HS3ST6: variants seen among roughly 807,000 people sequenced by gnomAD.
HS3ST6 encodes the protein heparan sulfate-glucosamine 3-sulfotransferase 6.
HS3ST6 carries 13 observed loss-of-function variants against 11.0 expected under a neutral mutation model. The observed-to-expected ratio is 1.18, with a 90% CI of 0.77 to 1.88. The LOEUF is 1.88. Ranked by LOEUF, HS3ST6 falls within the 40% of genes most tolerant of loss-of-function variation. The pLI is 0.00. For synonymous variants in HS3ST6, 232 were observed against 230.6 expected, an observed-to-expected ratio of 1.01 and a Z score of -0.06; for missense variants, 541 against 494.4, an observed-to-expected ratio of 1.09 and a Z score of -0.89.
At chr16:1,920,156 G>GAGTCCCCACGGTCTCAGC (rs2082954118), upstream of HS3ST6, among the ~76,000 whole-genome samples, 1 of 50,444 alleles carries the variant, frequency 2.0e-5, no homozygotes, top group Non-Finnish European at 4.0e-5. Flanking sequence ...AGGGTCTCAG[G>GAGTCCCCACGGTCTCAGC]AGTCCCCACG....
In HS3ST6 at chr16:1,912,131, G is replaced by C; in HGVS notation, c.488C>G (p.Ala163Gly). ...KTPSYFVTRE[A>G]PRRIHAMSPD... ...GGACATGGCGTGGATGCGGCGGGGGGCCTCTCGCGTCACGAAGTAGCTGGG... is the reference window on the plus strand; with the variant it reads ...GGACATGGCGTGGATGCGGCGGGGGCCCTCTCGCGTCACGAAGTAGCTGGG... Residue 163 changes from alanine (A) to glycine (G), a missense_variant, in exon 2 of 2, where the codon GCC (alanine) becomes GGC (glycine). Physicochemically the swap from Ala to Gly is moderately conservative, Grantham distance 60. Transcript: ENST00000454677. This position sits in a 1 kb window ranked among gnomAD's most constrained non-coding sequence, Gnocchi z 5.6. 1 of 1,491,962 alleles carries C rather than the reference G, an allele frequency of 6.7e-7. No homozygotes were observed. The highest frequency in any genetic ancestry group is 8.9e-7 in the Non-Finnish European group (1 of 1,122,294). 92.4% of individuals were successfully genotyped at this position (1,491,962 alleles called of 1,614,324 possible).
chr16:1,917,793 A>T, intron 1 of HS3ST6, 118 bp downstream of exon 1: 1 of 796,208 alleles, frequency 1.3e-6, no homozygotes, highest in Non-Finnish European at 1.7e-6. Context: ...TCCCAACCCC[A>T]CTGCCCGGAG....
At chr16:1,913,953 C>A (rs570236230) in intron 1 of HS3ST6, among the ~76,000 whole-genome samples, 5 of 152,148 alleles carry the variant, frequency 3.3e-5, no homozygotes, top group Admixed American at 6.5e-5. Flanking sequence ...GGCACGGGAG[C>A]CTTCCCACCC....
Position 1,918,235 on chromosome 16 carries a change from G to A in HS3ST6, c.89C>T (p.Ala30Val), listed in dbSNP as rs1195215013. 7.8e-6 allele frequency: 8 copies of A among 1,029,838 alleles called. No individual in the cohort carries two copies. In the African/African-American group the frequency reaches 1.0e-4, roughly 13 times the overall value. 63.8% of individuals were successfully genotyped at this position (1,029,838 alleles called of 1,614,324 possible). ...CACCAGGGCCACGAGCAGCATCGGCGCGCGGGACGCCCGCAGAGCGGCCCC... is the reference window on the plus strand; with the variant it reads ...CACCAGGGCCACGAGCAGCATCGGCACGCGGGACGCCCGCAGAGCGGCCCC... ...GQGAALRASRAPMLLVALVLG... is the reference protein window; with the variant it reads ...GQGAALRASRVPMLLVALVLG... The change falls in exon 1 of 2, where the codon GCG becomes GTG. Residue 30 changes from alanine (A) to valine (V), a missense_variant. Transcript: ENST00000454677. The surrounding 1 kb of genome is among the most constrained non-coding windows in gnomAD (Gnocchi z 6.0).
intron 1 of HS3ST6, among the ~76,000 whole-genome samples, chr16:1,914,169 T>A (rs1452667686): frequency 6.6e-6 from 1 of 151,998 alleles, no homozygotes; most frequent in Non-Finnish European, 1.5e-5. Flanking sequence ...GCTGCCTCCT[T>A]CCAGCCCACC....
intron 1 of HS3ST6, among the ~76,000 whole-genome samples, 191 bp downstream of exon 1, chr16:1,917,720 C>T (rs374641925): frequency 6.6e-6 from 1 of 152,288 alleles, no homozygotes; most frequent in South Asian, 2.1e-4. Context: ...GAATCCTAGC[C>T]AAGTATCATT....
intron 1 of HS3ST6, among the ~76,000 whole-genome samples, chr16:1,917,462 G>C (rs143275295): frequency 2.0e-5 from 3 of 152,276 alleles, no homozygotes; most frequent in East Asian, 3.9e-4. Context: ...GGGTCTTGGG[G>C]AGGAAGGACG....
At position 1,912,402 on chromosome 16, in the gene HS3ST6, C is replaced by T. The variant is rs562947106; in HGVS notation, c.414-197G>A. Reference sequence around the variant, plus strand: ...GAACATGGACTGTGAGGGTGCCCAGCCCGGCACCTGCCTGCAGCCCGGCCT... The same window carrying T: ...GAACATGGACTGTGAGGGTGCCCAGTCCGGCACCTGCCTGCAGCCCGGCCT... On this transcript the variant is annotated intron_variant, in intron 1 of 1. Transcript: ENST00000454677. The surrounding 1 kb of genome is among the most constrained non-coding windows in gnomAD (Gnocchi z 5.6). Among the ~76,000 whole-genome samples the T allele has an allele frequency of 1.5e-4, 23 of 152,184 alleles. 1 individual carries two copies. In the South Asian group the frequency reaches 2.1e-3, roughly 14 times the overall value.
At chr16:1,913,792 C>A (rs1484583828) in intron 1 of HS3ST6, among the ~76,000 whole-genome samples, 1 of 152,134 alleles carries the variant, frequency 6.6e-6, no homozygotes, top group Non-Finnish European at 1.5e-5. Context: ...CAGGGAAACG[C>A]AGGCTGGGCC....
chr16:1,912,295 G>T lies in HS3ST6; in HGVS notation c.414-90C>A. On this transcript the variant is annotated intron_variant, in intron 1 of 1. Coordinates refer to ENST00000454677, the MANE Select transcript of HS3ST6 (RefSeq NM_001009606.4). The surrounding 1 kb of genome is among the most constrained non-coding windows in gnomAD (Gnocchi z 5.6). ...CCGGGACCAAGGCCCCCTTATGCCC[G>T]GGAAGCCCAGGCCTCCAGGGCGAGC... 1 of 1,158,520 alleles carries T rather than the reference G, an allele frequency of 8.6e-7. No homozygotes were observed. The highest frequency in any genetic ancestry group is 1.1e-6 in the Non-Finnish European group (1 of 907,534). 71.8% of individuals were successfully genotyped at this position (1,158,520 alleles called of 1,614,324 possible).
chr16:1,918,037 A>G lies in HS3ST6; in HGVS notation c.287T>C (p.Val96Ala), dbSNP rs1418770419. Residue 96 changes from valine to alanine, a missense_variant, in exon 1 of 2, where the codon GTT becomes GCT. By Grantham distance (64) the Val-to-Ala change is moderately conservative. Transcript: ENST00000454677. The surrounding 1 kb of genome is among the most constrained non-coding windows in gnomAD (Gnocchi z 6.0). ...GCGCGTGCCGCCCTTCTTCACGCCA[A>G]CGATGAGCGCTTGCGGGAAGCGCCG... Reference protein sequence around the residue: ...GRRRFPQALIVGVKKGGTRAL... With the variant: ...GRRRFPQALIAGVKKGGTRAL... The G allele has an allele frequency of 6.6e-7, 1 of 1,524,200 alleles. No individual in the cohort carries two copies. The highest frequency in any genetic ancestry group is 8.7e-7 in the Non-Finnish European group (1 of 1,143,130). The allele number at this position is 1,524,200 out of a possible 1,614,324, so 94.4% of individuals were successfully genotyped here.
chr16:1,917,196 C>G (rs1007048003), intron 1 of HS3ST6, among the ~76,000 whole-genome samples: 2 of 152,224 alleles, frequency 1.3e-5, no homozygotes, highest in Non-Finnish European at 2.9e-5. Context: ...GACTCCCCAA[C>G]TGGCCTTGGG....
chr16:1,917,745 C>T (rs2082935637), intron 1 of HS3ST6, among the ~76,000 whole-genome samples, 166 bp downstream of exon 1: 1 of 152,166 alleles, frequency 6.6e-6, no homozygotes, highest in Non-Finnish European at 1.5e-5. Flanking sequence ...CTTCCGGAGC[C>T]GGGACCCCAG....
At chr16:1,915,569 C>T (rs901032079) in intron 1 of HS3ST6, among the ~76,000 whole-genome samples, 4 of 152,232 alleles carry the variant, frequency 2.6e-5, no homozygotes, top group African/African-American at 9.6e-5. Context: ...AGCCACTGTG[C>T]CCCACCCTCC....
chr16:1,918,752 TC>T (rs900129657), upstream of HS3ST6, among the ~76,000 whole-genome samples: 11 of 147,670 alleles, frequency 7.4e-5, no homozygotes, highest in South Asian at 4.3e-4. This position sits in a 1 kb window ranked among gnomAD's most constrained non-coding sequence, Gnocchi z 6.0. Context: ...CCGATCCCCT[TC>T]CCCCCCCACC....
At chr16:1,915,513 T>A (rs2082919916) in intron 1 of HS3ST6, among the ~76,000 whole-genome samples, 1 of 152,170 alleles carries the variant, frequency 6.6e-6, no homozygotes. Context: ...TGACCTCAGG[T>A]AATCTGCCCA....
chr16:1,915,638 C>T (rs1461963870), intron 1 of HS3ST6, among the ~76,000 whole-genome samples: 1 of 152,244 alleles, frequency 6.6e-6, no homozygotes, highest in Non-Finnish European at 1.5e-5. Context: ...CCAGACAGGG[C>T]ACCCTTCCCA....
At position 1,918,052 on chromosome 16, in the gene HS3ST6, G is replaced by C. The variant is rs1372094814; in HGVS notation, c.272C>G (p.Pro91Arg). 3 of 1,513,608 alleles carry C rather than the reference G, an allele frequency of 2.0e-6. No homozygotes were observed. The highest frequency in any genetic ancestry group is 2.6e-6 in the Non-Finnish European group (3 of 1,137,538). 93.8% of individuals were successfully genotyped at this position (1,513,608 alleles called of 1,614,324 possible). A position where few individuals can be genotyped will look rare whatever the true frequency, so the allele number is the denominator to read the frequency against. The change falls in exon 1 of 2, where the codon CCG (proline) becomes CGG (arginine). Residue 91 changes from proline to arginine, a missense_variant. Coordinates refer to ENST00000454677, the MANE Select transcript of HS3ST6 (RefSeq NM_001009606.4). This position sits in a 1 kb window ranked among gnomAD's most constrained non-coding sequence, Gnocchi z 6.0. ...CTTCACGCCAACGATGAGCGCTTGC[G>C]GGAAGCGCCGGCGGCCGGGACCGCT... is the stretch of plus-strand genomic sequence containing the variant. Reference protein sequence around the residue: ...LASGPGRRRFPQALIVGVKKG... With the variant: ...LASGPGRRRFRQALIVGVKKG...
upstream of HS3ST6, among the ~76,000 whole-genome samples, chr16:1,919,866 G>T (rs561225665): frequency 6.0e-4 from 91 of 152,360 alleles, no homozygotes; most frequent in Admixed American, 1.2e-3. Flanking sequence ...GGCAGGCAGC[G>T]GGCACAATGC....
Sources: allele counts gnomAD v4.1 joint callset (sites outside exome capture counted in the v4.1 genomes callset), GRCh38; gene constraint gnomAD v4.1.1; non-coding constraint Gnocchi (gnomAD v3.1); transcripts MANE v1.5; gene names NCBI Gene and HGNC (gene_info 2026-07-23, HGNC 2026-07-21).